Variants in MYT1 observed in about 807,000 individuals in gnomAD.
The protein encoded by MYT1 is myelin transcription factor 1.
MYT1 carries 23 observed loss-of-function variants against 123.0 expected under a neutral mutation model. That is an observed-to-expected ratio of 0.19 (90% confidence interval 0.13 to 0.26). The LOEUF (loss-of-function observed/expected upper bound fraction) is 0.26, where lower values mean the gene tolerates loss of function less well. Ranked by LOEUF, MYT1 falls within the 10% of genes least tolerant of loss-of-function variation. MYT1 has a pLI of 1.00. For missense variants in MYT1, 1,125 were observed against 1,472.5 expected (o/e 0.76, Z 3.86); for synonymous variants, 518 against 575.3 (o/e 0.90, Z 1.43).
chr20:64,239,582 C>T (rs1045585653), intron 21 of MYT1, among the ~76,000 whole-genome samples, 178 bp from the exon 22 acceptor site: 1 of 152,140 alleles, frequency 6.6e-6, no homozygotes, highest in African/African-American at 2.4e-5. Flanking sequence ...TTGCCTTTCT[C>T]TCCTCTGCCA....
At chr20:64,230,248 C>T (rs900145667) in intron 18 of MYT1, among the ~76,000 whole-genome samples, 5 of 152,232 alleles carry the variant, frequency 3.3e-5, no homozygotes, top group South Asian at 2.1e-4. Context: ...CACTGTGGCT[C>T]ATGCCTGTAA....
Position 64,176,856 on chromosome 20 carries a change from G to A in MYT1, c.-99+12117G>A, listed in dbSNP as rs531471435. On this transcript the variant is annotated intron_variant, in intron 1 of 22. Transcript: ENST00000328439. ...GCACACTCCTCCCCTGTTGGCAGCC[G>A]GGGATGACAGGCCGCCTGGAGAGCC... 1.6e-3 allele frequency among the ~76,000 whole-genome samples: 239 copies of A among 152,342 alleles called. 1 individual carries two copies. Among genetic ancestry groups the A allele is most frequent in the African/African-American group, 5.3e-3 (222 of 41,576 alleles).
intron 8 of MYT1, among the ~76,000 whole-genome samples, 177 bp downstream of exon 8, chr20:64,211,517 A>G (rs1983664616): frequency 1.3e-5 from 2 of 151,980 alleles, no homozygotes; most frequent in Admixed American, 6.6e-5. Flanking sequence ...CTCAGCCCAA[A>G]CTTGAGCCCT....
intron 18 of MYT1, among the ~76,000 whole-genome samples, chr20:64,229,013 G>A (rs1726549972): frequency 2.0e-5 from 3 of 152,238 alleles, no homozygotes; most frequent in Admixed American, 2.0e-4. Flanking sequence ...GCTCCTCCTG[G>A]TAGTTTGCTC....
intron 18 of MYT1, among the ~76,000 whole-genome samples, chr20:64,230,156 G>A (rs779351478): frequency 5.9e-5 from 9 of 152,086 alleles, no homozygotes; most frequent in Non-Finnish European, 1.0e-4. Flanking sequence ...TGCGATTCAA[G>A]GGAACAAAAA....
Position 64,208,579 on chromosome 20 carries a change from G to A in MYT1, c.1291+92G>A. 4.1e-6 allele frequency: 6 copies of A among 1,473,446 alleles called. No homozygotes were observed. The highest frequency in any genetic ancestry group is 5.4e-6 in the Non-Finnish European group (6 of 1,114,214). 91.3% of individuals were successfully genotyped at this position (1,473,446 alleles called of 1,614,324 possible). A position where few individuals can be genotyped will look rare whatever the true frequency, so the allele number is the denominator to read the frequency against. On this transcript the variant is annotated intron_variant, in intron 7 of 22. Coordinates refer to ENST00000328439, the MANE Select transcript of MYT1 (RefSeq NM_004535.3). This position sits in a 1 kb window ranked among gnomAD's most constrained non-coding sequence, Gnocchi z 5.4. ...CAGGCTGAGAGCCCTTCTAGGACAG[G>A]GGGCTGGGGGATGGCAGAAAAGCAG... is the stretch of plus-strand genomic sequence containing the variant.
At chr20:64,214,067 G>A (rs1983765038) in intron 10 of MYT1, among the ~76,000 whole-genome samples, 1 of 152,224 alleles carries the variant, frequency 6.6e-6, no homozygotes, top group Admixed American at 6.5e-5. Context: ...AGCACCATGA[G>A]CCACTAATCC....
At chr20:64,209,210 C>G (rs1004154158) in intron 7 of MYT1, among the ~76,000 whole-genome samples, 5 of 152,070 alleles carry the variant, frequency 3.3e-5, no homozygotes, top group Non-Finnish European at 1.5e-5. Context: ...TAAACGGTTA[C>G]GGCCTTCATT....
chr20:64,166,279 G>A lies in MYT1; in HGVS notation c.-99+1540G>A, dbSNP rs1982080571. 6.6e-6 allele frequency among the ~76,000 whole-genome samples: 1 copy of A among 152,188 alleles called. No individual in the cohort carries two copies. Among genetic ancestry groups the A allele is most frequent in the South Asian group, 2.1e-4 (1 of 4,826 alleles). On this transcript the variant is annotated intron_variant, in intron 1 of 22. Coordinates refer to ENST00000328439, the MANE Select transcript of MYT1 (RefSeq NM_004535.3). The surrounding 1 kb of genome is among the most constrained non-coding windows in gnomAD (Gnocchi z 4.9). ...CTGTTCCTTGTGCAGAGGAGGCTGG[G>A]TCAGGGCTTAGAGGGCAGTTTGTTT...
At position 64,171,668 on chromosome 20, in the gene MYT1, C is replaced by T. The variant is rs1482257206; in HGVS notation, c.-99+6929C>T. 4.1e-5 allele frequency among the ~76,000 whole-genome samples: 6 copies of T among 147,374 alleles called. No individual in the cohort carries two copies. The East Asian group carries it at 1.2e-3, about 30-fold the overall frequency. ...AAACCCTAACTCCCTACACCTCTGGCATCTGGAGGAACCCAAACCCTAACC... is the reference window on the plus strand; with the variant it reads ...AAACCCTAACTCCCTACACCTCTGGTATCTGGAGGAACCCAAACCCTAACC... On this transcript the variant is annotated intron_variant, in intron 1 of 22. Transcript: ENST00000328439.
chr20:64,228,728 A>C (rs1327896499), intron 18 of MYT1, among the ~76,000 whole-genome samples: 1 of 152,222 alleles, frequency 6.6e-6, no homozygotes, highest in Non-Finnish European at 1.5e-5. Context: ...GCTTTGCTAC[A>C]GACTCAGACC....
chr20:64,239,884 A>G lies in MYT1; in HGVS notation c.3218A>G (p.Asn1073Ser). The change falls in exon 22 of 23, where the codon AAT (asparagine) becomes AGT (serine). Residue 1073 changes from asparagine to serine, a missense_variant. By Grantham distance (46) the Asn-to-Ser change is conservative. Transcript: ENST00000328439. ...LSQALIQSLANIRLPHMEPIC... is the reference protein window; with the variant it reads ...LSQALIQSLASIRLPHMEPIC... Reference sequence around the variant, plus strand: ...CAGGCCCTCATCCAAAGTCTCGCCAATATCCGCCTTCCGCACATGGTAGGC... The same window carrying G: ...CAGGCCCTCATCCAAAGTCTCGCCAGTATCCGCCTTCCGCACATGGTAGGC... 1 of 1,613,338 alleles carries G rather than the reference A, an allele frequency of 6.2e-7. No individual in the cohort carries two copies. The highest frequency in any genetic ancestry group is 8.5e-7 in the Non-Finnish European group (1 of 1,180,026).
chr20:64,221,582 C>A (rs968289934), intron 13 of MYT1, among the ~76,000 whole-genome samples: 1 of 152,172 alleles, frequency 6.6e-6, no homozygotes, highest in African/African-American at 2.4e-5. Context: ...GTTTACGCTG[C>A]GGAGTGATGT....
intron 13 of MYT1, among the ~76,000 whole-genome samples, chr20:64,221,678 G>A (rs1984006998): frequency 1.3e-5 from 2 of 152,184 alleles, no homozygotes; most frequent in South Asian, 4.1e-4. Flanking sequence ...AGGACCTCTG[G>A]CTGAAGCAGG....
At chr20:64,195,277 G>C (rs1049461412) in intron 2 of MYT1, among the ~76,000 whole-genome samples, 2 of 151,766 alleles carry the variant, frequency 1.3e-5, no homozygotes, top group African/African-American at 4.8e-5. Flanking sequence ...CCAACTCAGG[G>C]CACTCTGTTT....
intron 1 of MYT1, among the ~76,000 whole-genome samples, chr20:64,178,829 A>G (rs1368502722): frequency 1.5e-5 from 2 of 133,222 alleles, no homozygotes; most frequent in African/African-American, 6.0e-5. Context: ...ATGCCCTTCA[A>G]CGTGGGAGCA....
Position 64,202,528 on chromosome 20 carries a change from CCTT to C in MYT1, c.87-2498_87-2496del, listed in dbSNP as rs1024952636. On this transcript the variant is annotated intron_variant, in intron 4 of 22. Transcript: ENST00000328439. The surrounding 1 kb of genome is among the most constrained non-coding windows in gnomAD (Gnocchi z 5.0). ...GAGAGAGAACACGTCTGTAGCTCAC[CCTT>C]CTTCTTCTGGCGCCTTCCTCCTTGA... Among the ~76,000 whole-genome samples, 7 of 152,092 alleles carry C rather than the reference CCTT, an allele frequency of 4.6e-5. No individual in the cohort carries two copies. The highest frequency in any genetic ancestry group is 9.7e-5 in the African/African-American group (4 of 41,392).
intron 21 of MYT1, 147 bp from the exon 22 acceptor site, chr20:64,239,613 C>A: frequency 9.0e-7 from 1 of 1,117,038 alleles, no homozygotes; most frequent in Non-Finnish European, 1.3e-6. Context: ...TGTGGCAGAA[C>A]CCCCTACAGG....
At chr20:64,216,988 G>A in intron 10 of MYT1, 79 bp from the exon 11 acceptor site, 2 of 1,376,426 alleles carry the variant, frequency 1.5e-6, no homozygotes, top group Non-Finnish European at 2.0e-6. Context: ...TGCCTGGGCT[G>A]CAGATTGGGG....
Sources: gnomAD v4.1 joint callset for allele counts (sites outside exome capture counted in the v4.1 genomes callset) on GRCh38, gnomAD v4.1.1 for gene constraint, Gnocchi (gnomAD v3.1) non-coding constraint, MANE v1.5 for transcripts, NCBI Gene and HGNC (gene_info 2026-07-23, HGNC 2026-07-21) for gene names.